Variants in GRXCR2 observed in about 807,000 individuals in gnomAD.
The protein encoded by GRXCR2 is glutaredoxin and cysteine rich domain containing 2.
Under a neutral mutation model 24.8 loss-of-function variants are expected in GRXCR2, and 23 were observed. The observed-to-expected ratio is 0.93, with a 90% CI of 0.67 to 1.32. GRXCR2 has a LOEUF of 1.32. Among genes scored for constraint, GRXCR2 ranks in the 40% most tolerant of loss-of-function variants. The pLI, the probability that GRXCR2 is intolerant of heterozygous loss-of-function variation, is 0.00. For synonymous variants in GRXCR2, 130 were observed against 116.1 expected (o/e 1.12, Z -0.77); for missense variants, 315 against 303.4 (o/e 1.04, Z -0.28).
intron 1 of GRXCR2, among the ~76,000 whole-genome samples, chr5:145,870,555 T>C (rs182967141): frequency 2.0e-5 from 3 of 152,224 alleles, no homozygotes; most frequent in African/African-American, 7.2e-5. Context: ...TGTACATATA[T>C]CTGTTTGAGT....
chr5:145,896,221 G>T (rs1046822351), intron 2 of GRXCR2, among the ~76,000 whole-genome samples: 1 of 152,060 alleles, frequency 6.6e-6, no homozygotes, highest in African/African-American at 2.4e-5. Context: ...CATAGGCATG[G>T]GCAAGGACTT....
At chr5:145,862,562 C>T (rs1756357142) in intron 2 of GRXCR2, among the ~76,000 whole-genome samples, 1 of 152,128 alleles carries the variant, frequency 6.6e-6, no homozygotes, top group African/African-American at 2.4e-5. Context: ...GGATATAGAA[C>T]ATAGTTGCAC....
intron 2 of GRXCR2, among the ~76,000 whole-genome samples, chr5:145,863,856 G>A (rs1756383930): frequency 1.3e-5 from 2 of 152,108 alleles, no homozygotes; most frequent in South Asian, 4.1e-4. Context: ...CTTACCAGCT[G>A]GCACTTTGGT....
chr5:145,923,609 G>A (rs937170009), intron 2 of GRXCR2, among the ~76,000 whole-genome samples: 3 of 152,108 alleles, frequency 2.0e-5, no homozygotes, highest in African/African-American at 7.2e-5. Flanking sequence ...TGCTTAATAT[G>A]AGGCATGCTC....
At chr5:145,930,337 G>A (rs535834695) in intron 2 of GRXCR2, among the ~76,000 whole-genome samples, 2 of 152,146 alleles carry the variant, frequency 1.3e-5, no homozygotes, top group African/African-American at 2.4e-5. Flanking sequence ...CGCCCACCTC[G>A]GCCTCCCAAA....
At chr5:145,864,010 A>C (rs1480484704) in intron 2 of GRXCR2, among the ~76,000 whole-genome samples, 1 of 152,230 alleles carries the variant, frequency 6.6e-6, no homozygotes, top group Admixed American at 6.5e-5. Context: ...TGGAGACCTA[A>C]TTGGTAAGAG....
chr5:145,873,524 C>T (rs1756566654), upstream of GRXCR2, among the ~76,000 whole-genome samples: 1 of 152,206 alleles, frequency 6.6e-6, no homozygotes, highest in African/African-American at 2.4e-5. Flanking sequence ...TGCTCTATTA[C>T]ACCTAAGTAA....
chr5:145,882,531 G>T (rs1431582481), intron 2 of GRXCR2, among the ~76,000 whole-genome samples: 1 of 152,202 alleles, frequency 6.6e-6, no homozygotes, highest in Non-Finnish European at 1.5e-5. Context: ...ACAGATGCTG[G>T]AGAGGATGTG....
rs1352510095 is a variant in GRXCR2, at chr5:145,929,198, CCTATAT to C, written c.-70+6497_-70+6502del. ...TTTTAATAGTTGTATAATATTCCCCCCTATATATATATATATATATATATATCACCA... is the reference window on the plus strand; with the variant it reads ...TTTTAATAGTTGTATAATATTCCCCCATATATATATATATATATATCACCA... On this transcript the variant is annotated intron_variant, in intron 2 of 3. Coordinates refer to the GRXCR2 transcript ENST00000639411. Among the ~76,000 whole-genome samples, 37 of 88,388 alleles carry C rather than the reference CCTATAT, an allele frequency of 4.2e-4. 2 individuals carry two copies. Among genetic ancestry groups the C allele is most frequent in the Middle Eastern group, 5.0e-3 (1 of 202 alleles). The allele number at this position is 88,388 out of a possible 152,430, so 58.0% of individuals were successfully genotyped here. A position where few individuals can be genotyped will look rare whatever the true frequency, so the allele number is the denominator to read the frequency against.
intron 1 of GRXCR2, among the ~76,000 whole-genome samples, chr5:145,869,282 G>T (rs1019900430): frequency 6.6e-6 from 1 of 152,196 alleles, no homozygotes; most frequent in African/African-American, 2.4e-5. Context: ...GAAATGTTGT[G>T]AAGATGAAAT....
At chr5:145,892,321 G>T (rs1756878534) in intron 2 of GRXCR2, among the ~76,000 whole-genome samples, 1 of 152,100 alleles carries the variant, frequency 6.6e-6, no homozygotes, top group African/African-American at 2.4e-5. Flanking sequence ...GGCTTCAGAT[G>T]ATCAAACTAC....
chr5:145,867,414 G>T (rs909281024), intron 1 of GRXCR2, among the ~76,000 whole-genome samples: 2 of 151,980 alleles, frequency 1.3e-5, no homozygotes, highest in Admixed American at 6.6e-5. Context: ...CAAAAAATAC[G>T]ATCATAATAT....
At chr5:145,866,797 C>T (rs1215183438) in intron 1 of GRXCR2, 69 bp from the exon 2 acceptor site, 2 of 955,090 alleles carry the variant, frequency 2.1e-6, no homozygotes, top group Admixed American at 3.9e-5. Flanking sequence ...CAGAACCTGT[C>T]CAACATACCA....
chr5:145,859,603 G>A lies in GRXCR2; in HGVS notation c.*130C>T. 1.3e-6 allele frequency: 1 copy of A among 748,548 alleles called. No homozygotes were observed. Among genetic ancestry groups the A allele is most frequent in the Admixed American group, 2.5e-5 (1 of 40,392 alleles). The allele number at this position is 748,548 out of a possible 1,614,324, so 46.4% of individuals were successfully genotyped here. On this transcript the variant is annotated 3_prime_UTR_variant, in exon 3 of 3. Transcript: ENST00000377976. ...AAATGTCATCAGATAATTGAGTTTT[G>A]CCAGCAGTGGGAGTGACTGCAGCCA...
At chr5:145,904,083 T>C (rs1757060051) in intron 2 of GRXCR2, among the ~76,000 whole-genome samples, 1 of 152,094 alleles carries the variant, frequency 6.6e-6, no homozygotes, top group African/African-American at 2.4e-5. Context: ...TGGAGCTGAG[T>C]GGGGTCTGAC....
At chr5:145,891,250 C>A (rs192551719) in intron 2 of GRXCR2, among the ~76,000 whole-genome samples, 2 of 152,214 alleles carry the variant, frequency 1.3e-5, no homozygotes, top group African/African-American at 2.4e-5. Context: ...ACTGAGGTAC[C>A]AGGTTCAACT....
At chr5:145,895,706 C>T (rs1397668689) in intron 2 of GRXCR2, among the ~76,000 whole-genome samples, 3 of 152,224 alleles carry the variant, frequency 2.0e-5, no homozygotes, top group South Asian at 2.1e-4. Flanking sequence ...GCCATACTGC[C>T]CAAGCTAATT....
intron 2 of GRXCR2, among the ~76,000 whole-genome samples, chr5:145,864,973 A>G (rs1243954314): frequency 6.6e-6 from 1 of 152,174 alleles, no homozygotes; most frequent in African/African-American, 2.4e-5. Flanking sequence ...AGAGGTAGAA[A>G]GGAAGAGAGA....
intron 2 of GRXCR2, among the ~76,000 whole-genome samples, chr5:145,865,679 A>G (rs1756417174): frequency 6.6e-6 from 1 of 152,186 alleles, no homozygotes; most frequent in Non-Finnish European, 1.5e-5. Context: ...ACATTGCAAC[A>G]TGTTGCAGTT....
Sources: allele counts gnomAD v4.1 joint callset (sites outside exome capture counted in the v4.1 genomes callset), GRCh38; gene constraint gnomAD v4.1.1; transcripts MANE v1.5; gene names NCBI Gene and HGNC (gene_info 2026-07-23, HGNC 2026-07-21).